Variants in SDC2 observed in about 807,000 individuals in gnomAD.
The protein encoded by SDC2 is syndecan-2.
In SDC2, 13 loss-of-function variants were observed where a neutral mutation model predicts 22.2. The ratio of observed to expected loss-of-function variants is 0.59; its 90% CI spans 0.38 to 0.93. The LOEUF (loss-of-function observed/expected upper bound fraction) is 0.93, where lower values mean the gene tolerates loss of function less well. Among genes scored for constraint, SDC2 ranks in the 40% least tolerant of loss-of-function variants. SDC2 has a pLI of 0.00. For missense variants in SDC2, 235 were observed against 246.8 expected, an observed-to-expected ratio of 0.95 and a Z score of 0.32; for synonymous variants, 94 against 92.8, an observed-to-expected ratio of 1.01 and a Z score of -0.07.
intron 1 of SDC2, among the ~76,000 whole-genome samples, chr8:96,508,390 G>A (rs1813279171): frequency 6.6e-6 from 1 of 151,252 alleles, no homozygotes; most frequent in Non-Finnish European, 1.5e-5. Context: ...CTCCTCAGGA[G>A]GCTGAGGCGG....
rs1052562345 is a variant in SDC2 at position 96,610,057 on chromosome 8, A to G, written c.*509A>G. ...AATTCAGATAATGGTAATTTAGTGT[A>G]TATGTGATTTTCAAATATGTAAACT... is the stretch of plus-strand genomic sequence containing the variant. On this transcript the variant is annotated 3_prime_UTR_variant, in exon 5 of 5. Coordinates refer to ENST00000302190, the MANE Select transcript of SDC2 (RefSeq NM_002998.4). The G allele has an allele frequency of 1.3e-5, 2 of 152,626 alleles. No homozygotes were observed. Among genetic ancestry groups the G allele is most frequent in the African/African-American group, 4.8e-5 (2 of 41,438 alleles). 9.5% of individuals were successfully genotyped at this position (152,626 alleles called of 1,614,324 possible).
At chr8:96,533,499 G>A (rs1813700562) in intron 1 of SDC2, among the ~76,000 whole-genome samples, 1 of 152,014 alleles carries the variant, frequency 6.6e-6, no homozygotes, top group Admixed American at 6.5e-5. Context: ...GACACAGGGT[G>A]CTGATTGGTG....
intron 1 of SDC2, among the ~76,000 whole-genome samples, chr8:96,568,952 C>G (rs150388403): frequency 7.6e-4 from 115 of 152,260 alleles, no homozygotes; most frequent in African/African-American, 2.6e-3. Flanking sequence ...ATGGCTGCTG[C>G]TTGGATAAGA....
In SDC2 at chr8:96,611,174, A is replaced by G. The variant is rs545600670; in HGVS notation, c.*1626A>G. ...GTTAAAATGAGGGTCTCACTGCTTT[A>G]GGATTGAAGTGGCTGGAAAGAGTGA... On this transcript the variant is annotated 3_prime_UTR_variant, in exon 5 of 5. Coordinates refer to ENST00000302190, the MANE Select transcript of SDC2 (RefSeq NM_002998.4). The G allele has an allele frequency of 6.5e-6, 1 of 152,722 alleles. No individual in the cohort carries two copies. Among genetic ancestry groups the G allele is most frequent in the East Asian group, 1.9e-4 (1 of 5,180 alleles). The allele number at this position is 152,722 out of a possible 1,614,324, so 9.5% of individuals were successfully genotyped here. A position where few individuals can be genotyped will look rare whatever the true frequency, so the allele number is the denominator to read the frequency against.
At chr8:96,580,522 C>G (rs570263016) in intron 1 of SDC2, 1 of 985,070 alleles carries the variant, frequency 1.0e-6, no homozygotes, top group African/African-American at 1.7e-5. Flanking sequence ...CATCTTATAC[C>G]AATTAAATAA....
At chr8:96,523,352 G>A (rs940286977) in intron 1 of SDC2, among the ~76,000 whole-genome samples, 1 of 152,158 alleles carries the variant, frequency 6.6e-6, no homozygotes, top group Non-Finnish European at 1.5e-5. Flanking sequence ...GGAAAGATGA[G>A]TGTGTGGTGA....
At chr8:96,576,393 TACCAG>T (rs1814501032) in intron 1 of SDC2, among the ~76,000 whole-genome samples, 3 of 91,736 alleles carry the variant, frequency 3.3e-5, no homozygotes, top group Non-Finnish European at 6.7e-5. Flanking sequence ...TGTTTTTTTT[TACCAG>T]ATTTGCTTTA....
At chr8:96,498,886 T>C (rs1813117268) in intron 1 of SDC2, among the ~76,000 whole-genome samples, 1 of 152,340 alleles carries the variant, frequency 6.6e-6, no homozygotes, top group South Asian at 2.1e-4. Flanking sequence ...TGCCAGCTTG[T>C]GCTTCTATGT....
intron 1 of SDC2, among the ~76,000 whole-genome samples, chr8:96,528,157 T>C (rs1237787863): frequency 6.6e-6 from 1 of 152,178 alleles, no homozygotes; most frequent in Non-Finnish European, 1.5e-5. Flanking sequence ...TTTATATCTT[T>C]GCTTTGGTGA....
At chr8:96,583,689 G>GAAATA (rs1814632437) in intron 1 of SDC2, among the ~76,000 whole-genome samples, 1 of 115,816 alleles carries the variant, frequency 8.6e-6, no homozygotes, top group Non-Finnish European at 1.7e-5. Flanking sequence ...AAATATATGT[G>GAAATA]TGTGTGTGTG....
At chr8:96,587,696 G>A (rs1202931707) in intron 1 of SDC2, among the ~76,000 whole-genome samples, 1 of 152,172 alleles carries the variant, frequency 6.6e-6, no homozygotes, top group Non-Finnish European at 1.5e-5. Context: ...CATCTATGAT[G>A]CCAAGAATAC....
At chr8:96,549,534 T>G (rs1326654421) in intron 1 of SDC2, among the ~76,000 whole-genome samples, 1 of 152,188 alleles carries the variant, frequency 6.6e-6, no homozygotes, top group Admixed American at 6.5e-5. Context: ...AGAACCAATT[T>G]GGCCCCTAAT....
At position 96,593,405 on chromosome 8, in the gene SDC2, T is replaced by A. The variant is rs1814817969; in HGVS notation, c.61-75T>A. 3.1e-6 allele frequency: 3 copies of A among 964,328 alleles called. No homozygotes were observed. The South Asian group carries it at 4.1e-5, about 13-fold the overall frequency. The allele number at this position is 964,328 out of a possible 1,614,324, so 59.7% of individuals were successfully genotyped here. A position where few individuals can be genotyped will look rare whatever the true frequency, so the allele number is the denominator to read the frequency against. On this transcript the variant is annotated intron_variant, in intron 1 of 4. Transcript: ENST00000302190. Reference sequence around the variant, plus strand: ...TGGGAGGGGTAGTCACTGCAGTATGTACCTGAACAATCAGATATACAAGTG... The same window carrying A: ...TGGGAGGGGTAGTCACTGCAGTATGAACCTGAACAATCAGATATACAAGTG...
At chr8:96,505,487 A>C (rs1813225439) in intron 1 of SDC2, among the ~76,000 whole-genome samples, 1 of 152,082 alleles carries the variant, frequency 6.6e-6, no homozygotes, top group Non-Finnish European at 1.5e-5. Context: ...TTTTTAGTAG[A>C]GACAGGGTTT....
chr8:96,506,345 A>G (rs1813238173), intron 1 of SDC2, among the ~76,000 whole-genome samples: 1 of 152,160 alleles, frequency 6.6e-6, no homozygotes, highest in South Asian at 2.1e-4. Flanking sequence ...TCCATATTCT[A>G]TAATCTTTGG....
chr8:96,534,989 C>T (rs1433585465), intron 1 of SDC2, among the ~76,000 whole-genome samples: 2 of 151,584 alleles, frequency 1.3e-5, no homozygotes, highest in Non-Finnish European at 2.9e-5. Flanking sequence ...GATGGAATTT[C>T]AGATAAATGC....
chr8:96,554,109 C>G (rs1405834961), intron 1 of SDC2, among the ~76,000 whole-genome samples: 1 of 152,024 alleles, frequency 6.6e-6, no homozygotes. Flanking sequence ...TATAAAGATT[C>G]TTAATCTGTC....
chr8:96,569,910 T>C (rs1006805842), intron 1 of SDC2, among the ~76,000 whole-genome samples: 1 of 152,102 alleles, frequency 6.6e-6, no homozygotes, highest in Non-Finnish European at 1.5e-5. Flanking sequence ...ATGTGCTCTC[T>C]GGGAAAGGAG....
At chr8:96,534,656 C>T (rs1044549847) in intron 1 of SDC2, among the ~76,000 whole-genome samples, 1 of 151,854 alleles carries the variant, frequency 6.6e-6, no homozygotes, top group South Asian at 2.1e-4. Flanking sequence ...AGGCTGATCT[C>T]AAACTCCTGG....
Sources: allele counts gnomAD v4.1 joint callset (sites outside exome capture counted in the v4.1 genomes callset), GRCh38; gene constraint gnomAD v4.1.1; transcripts MANE v1.5; gene names NCBI Gene and HGNC (gene_info 2026-07-23, HGNC 2026-07-21).